TBL1XR1: variants seen among roughly 807,000 people sequenced by gnomAD.
TBL1XR1 encodes F-box-like/WD repeat-containing protein TBL1XR1.
Under a neutral mutation model 66.9 loss-of-function variants are expected in TBL1XR1, and 5 were observed. The observed-to-expected ratio is 0.07, with a 90% CI of 0.04 to 0.16. The LOEUF is 0.16. Among genes scored for constraint, TBL1XR1 ranks in the 10% least tolerant of loss-of-function variants. The probability of loss-of-function intolerance (pLI) is 1.00; values close to 1 mark genes in which losing one functional copy is unlikely to be tolerated. For missense variants in TBL1XR1, 238 were observed against 623.2 expected (o/e 0.38, Z 6.58); for synonymous variants, 210 against 206.0 (o/e 1.02, Z -0.17).
intron 1 of TBL1XR1, among the ~76,000 whole-genome samples, chr3:177,149,279 A>G (rs775674408): frequency 6.6e-6 from 1 of 152,166 alleles, no homozygotes; most frequent in African/African-American, 2.4e-5. Context: ...TCTCAAATCT[A>G]GTTCTGCAGC....
chr3:177,160,593 C>T (rs1041282645), intron 1 of TBL1XR1, among the ~76,000 whole-genome samples: 42 of 151,972 alleles, frequency 2.8e-4, no homozygotes, highest in Non-Finnish European at 3.4e-4. Flanking sequence ...ATATTACTTG[C>T]ACTGGGTTTG....
intron 1 of TBL1XR1, among the ~76,000 whole-genome samples, chr3:177,161,786 A>G (rs1284825496): frequency 2.0e-5 from 3 of 149,302 alleles, no homozygotes; most frequent in Non-Finnish European, 4.5e-5. Flanking sequence ...TCTGACTCAA[A>G]AAAAAAAAAA....
At chr3:177,200,016 A>G (rs1336723342), upstream of TBL1XR1, among the ~76,000 whole-genome samples, 4 of 152,002 alleles carry the variant, frequency 2.6e-5, no homozygotes. Flanking sequence ...CTTGTCGCCC[A>G]GGCTAGAGTG....
At chr3:177,043,679 C>T (rs1376909079) in intron 10 of TBL1XR1, among the ~76,000 whole-genome samples, 1 of 152,048 alleles carries the variant, frequency 6.6e-6, no homozygotes, top group Non-Finnish European at 1.5e-5. Flanking sequence ...AATATTTAGG[C>T]CATTTACACT....
intron 1 of TBL1XR1, among the ~76,000 whole-genome samples, chr3:177,157,755 G>A (rs1560240663): frequency 6.6e-6 from 1 of 152,144 alleles, no homozygotes; most frequent in Non-Finnish European, 1.5e-5. Flanking sequence ...GTGTTAGAAA[G>A]CAAATTAGCC....
At chr3:177,094,248 G>C (rs1723183770) in intron 2 of TBL1XR1, among the ~76,000 whole-genome samples, 1 of 152,126 alleles carries the variant, frequency 6.6e-6, no homozygotes, top group Non-Finnish European at 1.5e-5. Context: ...AAAAATAAGA[G>C]AAATGCAAAT....
Position 177,107,731 on chromosome 3 carries a change from C to T in TBL1XR1, c.-121-9190G>A, listed in dbSNP as rs192207769. ...GAAACGAAACTACCTTTCTTAAGATCTCATATATTATATATATTTCAATAC... is the reference window on the plus strand; with the variant it reads ...GAAACGAAACTACCTTTCTTAAGATTTCATATATTATATATATTTCAATAC... On this transcript the variant is annotated intron_variant, in intron 1 of 15. Coordinates refer to ENST00000457928, the MANE Select transcript of TBL1XR1 (RefSeq NM_024665.7). Among the ~76,000 whole-genome samples the T allele has an allele frequency of 1.2e-4, 19 of 152,248 alleles. 1 individual carries two copies. The highest frequency in any genetic ancestry group is 1.2e-3 in the East Asian group (6 of 5,192).
intron 1 of TBL1XR1, among the ~76,000 whole-genome samples, chr3:177,107,636 T>C (rs1250797370): frequency 6.6e-6 from 1 of 152,172 alleles, no homozygotes; most frequent in Non-Finnish European, 1.5e-5. Flanking sequence ...ACAAGCTGTG[T>C]TATCTGCCTG....
chr3:177,091,425 T>A (rs2108644069), intron 2 of TBL1XR1, among the ~76,000 whole-genome samples: 1 of 152,174 alleles, frequency 6.6e-6, no homozygotes, highest in South Asian at 2.1e-4. Flanking sequence ...CATAAATATA[T>A]AAATATTCTT....
intron 12 of TBL1XR1, among the ~76,000 whole-genome samples, chr3:177,035,436 A>G (rs918622221): frequency 4.0e-5 from 5 of 125,202 alleles, no homozygotes; most frequent in African/African-American, 1.3e-4. Flanking sequence ...TTTTTTGGAG[A>G]TGAAGTCTCA....
chr3:177,054,135 G>T (rs910453922), intron 3 of TBL1XR1, among the ~76,000 whole-genome samples: 4 of 151,700 alleles, frequency 2.6e-5, no homozygotes, highest in African/African-American at 9.7e-5. Flanking sequence ...TTCTCTTAAT[G>T]TACTCTTTAA....
intron 1 of TBL1XR1, among the ~76,000 whole-genome samples, chr3:177,134,692 T>A (rs1362940902): frequency 6.6e-6 from 1 of 152,052 alleles, no homozygotes; most frequent in African/African-American, 2.4e-5. Context: ...ACGGAATACA[T>A]CTGTAATTTC....
chr3:177,143,874 T>C (rs956929838), intron 1 of TBL1XR1, among the ~76,000 whole-genome samples: 16 of 152,172 alleles, frequency 1.1e-4, no homozygotes, highest in African/African-American at 3.6e-4. Context: ...GTGAGACTGG[T>C]AGAAATCTAT....
chr3:177,189,577 C>T (rs140197549), intron 1 of TBL1XR1, among the ~76,000 whole-genome samples: 1 of 149,676 alleles, frequency 6.7e-6, no homozygotes, highest in African/African-American at 2.5e-5. Context: ...ATCGCTTGAA[C>T]CCAGGGGGCG....
chr3:177,115,214 G>C (rs984026194), intron 1 of TBL1XR1, among the ~76,000 whole-genome samples: 2 of 151,890 alleles, frequency 1.3e-5, no homozygotes, highest in Admixed American at 6.6e-5. Flanking sequence ...TTGACCTATA[G>C]TATTTCATAC....
intron 1 of TBL1XR1, among the ~76,000 whole-genome samples, chr3:177,148,784 C>A (rs1375728838): frequency 2.0e-5 from 3 of 151,872 alleles, no homozygotes; most frequent in Admixed American, 2.0e-4. Flanking sequence ...CCGGGTGGAT[C>A]ACCTGAGGTC....
At chr3:177,115,405 A>G (rs1340179122) in intron 1 of TBL1XR1, among the ~76,000 whole-genome samples, 1 of 152,186 alleles carries the variant, frequency 6.6e-6, no homozygotes, top group East Asian at 1.9e-4. Flanking sequence ...AAGTTTACCA[A>G]AAAGTCTTGG....
At chr3:177,115,152 A>G (rs1302840242) in intron 1 of TBL1XR1, among the ~76,000 whole-genome samples, 1 of 152,112 alleles carries the variant, frequency 6.6e-6, no homozygotes, top group Non-Finnish European at 1.5e-5. Context: ...TAATGCCATC[A>G]ACCAGTAAGT....
chr3:177,043,829 G>A (rs1715950263), intron 10 of TBL1XR1, among the ~76,000 whole-genome samples: 1 of 151,850 alleles, frequency 6.6e-6, no homozygotes, highest in African/African-American at 2.4e-5. Context: ...TCCTTTGATG[G>A]GTTCTTAACT....
Sources: gnomAD v4.1 joint callset for allele counts (sites outside exome capture counted in the v4.1 genomes callset) on GRCh38, gnomAD v4.1.1 for gene constraint, MANE v1.5 for transcripts, NCBI Gene and HGNC (gene_info 2026-07-23, HGNC 2026-07-21) for gene names.